Variants in EPHA5 observed in about 807,000 individuals in gnomAD.
The protein encoded by EPHA5 is EPH receptor A5, also known as ephrin type-A receptor 5.
A neutral mutation model predicts 105.0 loss-of-function variants in EPHA5; 60 were observed. That is an observed-to-expected ratio of 0.57 (90% CI 0.46 to 0.71). The LOEUF (loss-of-function observed/expected upper bound fraction) is 0.71, where lower values mean the gene tolerates loss of function less well. Ranked by LOEUF, EPHA5 falls within the 30% of genes least tolerant of loss-of-function variation. The probability of loss-of-function intolerance (pLI) is 0.00; values close to 1 mark genes in which losing one functional copy is unlikely to be tolerated. For synonymous variants in EPHA5, 513 were observed against 449.1 expected (o/e 1.14, Z -1.80); for missense variants, 1,218 against 1,274.7 (o/e 0.96, Z 0.68).
intron 3 of EPHA5, among the ~76,000 whole-genome samples, chr4:65,527,858 G>C (rs944753152): frequency 6.6e-6 from 1 of 151,856 alleles, no homozygotes; most frequent in African/African-American, 2.4e-5. Flanking sequence ...TCCACTCTCC[G>C]AAAGGCCCCA....
At chr4:65,661,581 G>A (rs1228909771) in intron 1 of EPHA5, among the ~76,000 whole-genome samples, 1 of 152,142 alleles carries the variant, frequency 6.6e-6, no homozygotes, top group East Asian at 1.9e-4. Context: ...TGAGATGACA[G>A]TGCATTGTCA....
At chr4:65,587,067 T>C (rs77337547) in intron 3 of EPHA5, among the ~76,000 whole-genome samples, 37,268 of 152,058 alleles carry the variant, frequency 0.25, 5,432 homozygotes, top group Middle Eastern at 0.4. Context: ...TGTGTTCTGC[T>C]TCTTTTCAAC....
Position 65,365,004 on chromosome 4 carries a change from C to A in EPHA5, c.2173+13G>T, listed in dbSNP as rs571073700. On this transcript the variant is annotated intron_variant, in intron 11 of 16. Transcript: ENST00000613740. The stretch of plus-strand genomic sequence containing the variant: ...GATATGCACACACATGTATAATTTG[C>A]CATCATACTTACTTTTGGTCACCAC... 1.2e-6 allele frequency: 2 copies of A among 1,605,384 alleles called. No homozygotes were observed. Among genetic ancestry groups the A allele is most frequent in the Admixed American group, 1.7e-5 (1 of 59,698 alleles).
At position 65,378,774 on chromosome 4, in the gene EPHA5, T is replaced by TTTTC. The variant is rs149249072; in HGVS notation, c.1794-11354_1794-11351dup. ...GAGAATGACTGCTCTTGTTTGCTTGTTTTCTTTCTTTCTTTCTTTTTTATT... is the reference window on the plus strand; with the variant it reads ...GAGAATGACTGCTCTTGTTTGCTTGTTTTCTTTCTTTCTTTCTTTCTTTTTTATT... On this transcript the variant is annotated intron_variant, in intron 8 of 16. Coordinates refer to ENST00000613740, the MANE Select transcript of EPHA5 (RefSeq NM_001281766.3). Among the ~76,000 whole-genome samples the TTTTC allele has an allele frequency of 4.9e-3, 749 of 151,908 alleles. 11 individuals carry two copies. The highest frequency in any genetic ancestry group is 0.017 in the African/African-American group (692 of 41,500).
At chr4:65,374,945 T>G (rs1242609765) in intron 8 of EPHA5, among the ~76,000 whole-genome samples, 1 of 151,956 alleles carries the variant, frequency 6.6e-6, no homozygotes, top group African/African-American at 2.4e-5. Flanking sequence ...ATGATTCTTC[T>G]CAGCTCTTAA....
chr4:65,421,984 T>C (rs1206186401), intron 5 of EPHA5, among the ~76,000 whole-genome samples: 2 of 152,136 alleles, frequency 1.3e-5, no homozygotes, highest in Non-Finnish European at 2.9e-5. Context: ...AAAATAATCA[T>C]TTGTGGGTAA....
At chr4:65,644,463 A>G (rs1340257758) in intron 1 of EPHA5, among the ~76,000 whole-genome samples, 5 of 152,054 alleles carry the variant, frequency 3.3e-5, no homozygotes, top group Admixed American at 3.3e-4. Context: ...AGTTATTCCT[A>G]TGTAGAGGTA....
At chr4:65,602,339 C>G (rs566900778) in intron 2 of EPHA5, 35 bp from the exon 3 acceptor site, 26 of 1,451,752 alleles carry the variant, frequency 1.8e-5, no homozygotes. Flanking sequence ...AAAAAAAATT[C>G]AAAAAATAGA....
intron 3 of EPHA5, among the ~76,000 whole-genome samples, chr4:65,538,569 A>G (rs1208008090): frequency 6.6e-6 from 1 of 151,642 alleles, no homozygotes; most frequent in East Asian, 1.9e-4. Flanking sequence ...TAAAATATAC[A>G]CTCTGGAATT....
intron 2 of EPHA5, among the ~76,000 whole-genome samples, chr4:65,607,383 C>T (rs138686454): frequency 0.011 from 1,676 of 152,124 alleles, 36 homozygotes; most frequent in African/African-American, 0.038. Context: ...TCGGAGTGAA[C>T]AGGCAACCTA....
chr4:65,441,268 A>G (rs1261824907), intron 5 of EPHA5, among the ~76,000 whole-genome samples: 1 of 152,068 alleles, frequency 6.6e-6, no homozygotes, highest in African/African-American at 2.4e-5. Flanking sequence ...TGAAAAAATA[A>G]AAAAAGTTTA....
Position 65,363,122 on chromosome 4 carries a change from C to G in EPHA5, c.2173+1895G>C, listed in dbSNP as rs901677996. Among the ~76,000 whole-genome samples, 20 of 151,344 alleles carry G rather than the reference C, an allele frequency of 1.3e-4. No individual in the cohort carries two copies. In the East Asian group the frequency reaches 3.9e-3, roughly 30 times the overall value. Reference sequence around the variant, plus strand: ...ATTTCAGAGAAAGAGGCAATGAAGGCAGGGCAAAATATAAGGTACTTTAAA... The same window carrying G: ...ATTTCAGAGAAAGAGGCAATGAAGGGAGGGCAAAATATAAGGTACTTTAAA... On this transcript the variant is annotated intron_variant, in intron 11 of 16. Transcript: ENST00000613740.
At chr4:65,342,313 C>T (rs892991654) in intron 14 of EPHA5, among the ~76,000 whole-genome samples, 9 of 151,900 alleles carry the variant, frequency 5.9e-5, no homozygotes, top group African/African-American at 2.2e-4. Context: ...CGGCATTATC[C>T]TTAAAAGATG....
At position 65,364,411 on chromosome 4, in the gene EPHA5, T is replaced by C. The variant is rs1486605445; in HGVS notation, c.2173+606A>G. 2.0e-5 allele frequency among the ~76,000 whole-genome samples: 3 copies of C among 151,644 alleles called. No homozygotes were observed. The Admixed American group carries it at 2.0e-4, about 10-fold the overall frequency. ...CCTTGTATTGCAAGGCTCACCATGC[T>C]AACACATTTACAAAACATTAACACA... On this transcript the variant is annotated intron_variant, in intron 11 of 16. Transcript: ENST00000613740.
intron 8 of EPHA5, among the ~76,000 whole-genome samples, chr4:65,370,953 AT>A (rs1250783271): frequency 1.3e-5 from 2 of 152,134 alleles, no homozygotes; most frequent in Admixed American, 1.3e-4. Flanking sequence ...CTGAAAAAGC[AT>A]TTCAGGAAGC....
At chr4:65,482,437 C>A (rs1221469870) in intron 5 of EPHA5, among the ~76,000 whole-genome samples, 2 of 152,044 alleles carry the variant, frequency 1.3e-5, no homozygotes, top group Non-Finnish European at 2.9e-5. Flanking sequence ...TTTATATTTT[C>A]TATACTGGGG....
At chr4:65,612,657 C>T (rs187225724) in intron 2 of EPHA5, among the ~76,000 whole-genome samples, 1 of 152,208 alleles carries the variant, frequency 6.6e-6, no homozygotes, top group East Asian at 1.9e-4. Flanking sequence ...ATTCTTGATG[C>T]AATGATTTAT....
chr4:65,370,195 TC>T (rs1718320741), intron 8 of EPHA5, among the ~76,000 whole-genome samples: 1 of 152,036 alleles, frequency 6.6e-6, no homozygotes, highest in Non-Finnish European at 1.5e-5. Context: ...TTAAATCACC[TC>T]ACCAAAATGA....
At chr4:65,516,679 G>C (rs1215398372) in intron 3 of EPHA5, among the ~76,000 whole-genome samples, 1 of 151,944 alleles carries the variant, frequency 6.6e-6, no homozygotes, top group Admixed American at 6.6e-5. Context: ...TTATTCTTTT[G>C]CATATATATT....
Sources: allele counts gnomAD v4.1 joint callset (sites outside exome capture counted in the v4.1 genomes callset), GRCh38; gene constraint gnomAD v4.1.1; transcripts MANE v1.5; gene names NCBI Gene and HGNC (gene_info 2026-07-23, HGNC 2026-07-21).